Variants in MEI1 observed in about 807,000 individuals in gnomAD.
The protein encoded by MEI1 is meiosis inhibitor protein 1.
Under a neutral mutation model 146.2 loss-of-function variants are expected in MEI1, and 103 were observed. That is an observed-to-expected ratio of 0.70 (90% CI 0.60 to 0.83). The LOEUF is 0.83. MEI1 is among the 40% of genes least tolerant of loss of function. The pLI is 0.00. For missense variants in MEI1, 1,529 were observed against 1,533.0 expected (o/e 1.00, Z 0.04); for synonymous variants, 652 against 628.2 (o/e 1.04, Z -0.57).
intron 1 of MEI1, among the ~76,000 whole-genome samples, chr22:41,702,730 C>T (rs531587920): frequency 1.3e-5 from 2 of 152,210 alleles, no homozygotes; most frequent in African/African-American, 4.8e-5. Context: ...CAGGCGTGAG[C>T]CACCATGCCC....
intron 15 of MEI1, among the ~76,000 whole-genome samples, chr22:41,750,701 G>A (rs1404321030): frequency 6.6e-6 from 1 of 152,184 alleles, no homozygotes; most frequent in East Asian, 1.9e-4. Context: ...GCCCATGTGA[G>A]TTGGAATTCT....
chr22:41,747,359 T>A (rs2073378030), intron 14 of MEI1: 1 of 152,774 alleles, frequency 6.5e-6, no homozygotes, highest in African/African-American at 2.4e-5. Flanking sequence ...TCACAACCAG[T>A]TACAGATTTA....
intron 1 of MEI1, among the ~76,000 whole-genome samples, chr22:41,700,455 C>T (rs576958415): frequency 6.6e-6 from 1 of 152,280 alleles, no homozygotes; most frequent in South Asian, 2.1e-4. Context: ...CTCAACCTAC[C>T]CAGTAGCTGG....
At chr22:41,723,900 C>T in intron 6 of MEI1, 43 bp from the exon 7 acceptor site, 1 of 1,560,742 alleles carries the variant, frequency 6.4e-7, no homozygotes, top group South Asian at 1.2e-5. Flanking sequence ...ACTCTGGTGC[C>T]TGTGTTCCTC....
At position 41,758,539 on chromosome 22, in the gene MEI1, T is replaced by G; in HGVS notation, c.2120+6T>G. The G allele has an allele frequency of 1.2e-6, 2 of 1,606,662 alleles. No homozygotes were observed. The highest frequency in any genetic ancestry group is 1.7e-6 in the Non-Finnish European group (2 of 1,174,550). ...GCCTACATCCATGAAGACAGGTCAG[T>G]GCACAGAGGTGGGTGGCTGGTGGTG... is the stretch of plus-strand genomic sequence containing the variant. On this transcript the variant is annotated splice_donor_region_variant and intron_variant, in intron 18 of 30. Coordinates refer to ENST00000401548, the MANE Select transcript of MEI1 (RefSeq NM_152513.4).
In MEI1 at chr22:41,712,576, G is replaced by A. The variant is rs189160281; in HGVS notation, c.350-1426G>A. Among the ~76,000 whole-genome samples, 75 of 151,288 alleles carry A rather than the reference G, an allele frequency of 5.0e-4. 1 individual carries two copies. The highest frequency in any genetic ancestry group is 6.8e-3 in the Middle Eastern group (2 of 294). ...ACCTGGCTTCACAATAGACTTACCT[G>A]GAGAACTTTAGAAATACACTAGAAT... On this transcript the variant is annotated intron_variant, in intron 3 of 30. Transcript: ENST00000401548.
intron 24 of MEI1, among the ~76,000 whole-genome samples, chr22:41,782,280 C>G (rs1475080985): frequency 2.0e-5 from 3 of 152,088 alleles, no homozygotes; most frequent in Non-Finnish European, 4.4e-5. Context: ...GTGAGGTGCT[C>G]TGTGTGATGA....
chr22:41,706,317 C>G (rs1185999729), intron 3 of MEI1, among the ~76,000 whole-genome samples: 1 of 152,112 alleles, frequency 6.6e-6, no homozygotes, highest in African/African-American at 2.4e-5. Flanking sequence ...CATTCCTGGC[C>G]TTACATTTTT....
intron 7 of MEI1, 63 bp downstream of exon 7, chr22:41,724,136 G>A (rs2071108193): frequency 6.3e-7 from 1 of 1,585,538 alleles, no homozygotes; most frequent in South Asian, 1.1e-5. Flanking sequence ...TGCTTCTTGG[G>A]CCTTGTCTTC....
intron 1 of MEI1, among the ~76,000 whole-genome samples, chr22:41,702,603 G>A (rs1182989346): frequency 2.0e-5 from 3 of 152,008 alleles, no homozygotes; most frequent in South Asian, 2.1e-4. Context: ...GCGCCACCAC[G>A]CCTAGCTAAT....
intron 24 of MEI1, among the ~76,000 whole-genome samples, chr22:41,783,035 C>G (rs949148842): frequency 6.6e-6 from 1 of 152,070 alleles, no homozygotes; most frequent in South Asian, 2.1e-4. Context: ...CCTTTTTGTC[C>G]TCCTCTAGGC....
chr22:41,723,879 A>C, intron 6 of MEI1, 64 bp from the exon 7 acceptor site: 1 of 1,537,464 alleles, frequency 6.5e-7, no homozygotes, highest in African/African-American at 1.4e-5. Context: ...CTGAGGGGCT[A>C]TCTTGGGAGT....
intron 28 of MEI1, among the ~76,000 whole-genome samples, chr22:41,794,685 C>T (rs752789220): frequency 6.6e-6 from 1 of 152,168 alleles, no homozygotes; most frequent in Non-Finnish European, 1.5e-5. Context: ...ACCCTTTCCC[C>T]TATTTCTCTC....
rs185015353 is a variant in MEI1 at position 41,780,865 on chromosome 22, G to T, written c.2816-419G>T. On this transcript the variant is annotated intron_variant, in intron 22 of 30. Coordinates refer to ENST00000401548, the MANE Select transcript of MEI1 (RefSeq NM_152513.4). Reference sequence around the variant, plus strand: ...CTCCCAAAGTGTTGGGATTACAGGCGTAAGCCACTGCGGAGGCCTGAGCTG... The same window carrying T: ...CTCCCAAAGTGTTGGGATTACAGGCTTAAGCCACTGCGGAGGCCTGAGCTG... Among the ~76,000 whole-genome samples, 12 of 152,294 alleles carry T rather than the reference G, an allele frequency of 7.9e-5. No homozygotes were observed. The East Asian group carries it at 2.3e-3, about 29-fold the overall frequency.
chr22:41,781,991 C>A, intron 24 of MEI1, 146 bp downstream of exon 24: 3 of 862,786 alleles, frequency 3.5e-6, no homozygotes, highest in Non-Finnish European at 1.8e-6. Context: ...AGTTTCCTTT[C>A]CTACAAAATG....
rs2071687070 is a variant in MEI1 at position 41,729,733 on chromosome 22, C to G, written c.933C>G (p.His311Gln). ...SAHCITAVLV[H>Q]SPAKHASAFI... ...ACTGTATAACTGCGGTGCTTGTCCACTCCCCAGCAAAGCATGCGTCAGCCT... is the reference window on the plus strand; with the variant it reads ...ACTGTATAACTGCGGTGCTTGTCCAGTCCCCAGCAAAGCATGCGTCAGCCT... The change falls in exon 8 of 31, where the codon CAC becomes CAG. Residue 311 changes from histidine (H) to glutamine (Q), a missense_variant. By Grantham distance (24) the His-to-Gln change is conservative. This residue lies in a region of MEI1 where 1,212 missense variants were observed against 1,178.9 expected (regional missense o/e 1.03). Transcript: ENST00000401548. The G allele has an allele frequency of 6.2e-7, 1 of 1,612,124 alleles. No individual in the cohort carries two copies. The highest frequency in any genetic ancestry group is 1.1e-5 in the South Asian group (1 of 90,480).
At chr22:41,738,248 A>G (rs756208487) in intron 11 of MEI1, among the ~76,000 whole-genome samples, 3 of 151,730 alleles carry the variant, frequency 2.0e-5, no homozygotes, top group Non-Finnish European at 4.4e-5. Context: ...ATGTCAGGAG[A>G]TTGAGACCAT....
At chr22:41,741,035 C>T (rs1272781316) in intron 11 of MEI1, among the ~76,000 whole-genome samples, 2 of 152,084 alleles carry the variant, frequency 1.3e-5, no homozygotes, top group Non-Finnish European at 2.9e-5. Flanking sequence ...CTCAGCCTGC[C>T]GAGTAGCTGG....
chr22:41,750,772 C>T (rs1339290055), intron 15 of MEI1, among the ~76,000 whole-genome samples: 1 of 152,148 alleles, frequency 6.6e-6, no homozygotes, highest in Non-Finnish European at 1.5e-5. Context: ...CTCCAGTGTC[C>T]TTAGCTAGAA....
Sources: allele counts gnomAD v4.1 joint callset (sites outside exome capture counted in the v4.1 genomes callset), GRCh38; gene constraint gnomAD v4.1.1; regional missense constraint gnomAD v4.1.1; transcripts MANE v1.5; gene names NCBI Gene and HGNC (gene_info 2026-07-23, HGNC 2026-07-21).